Variants in PDE6B observed in about 807,000 individuals in gnomAD.
PDE6B encodes phosphodiesterase 6B, also known as rod cGMP-specific 3',5'-cyclic phosphodiesterase subunit beta.
PDE6B carries 106 observed loss-of-function variants against 109.0 expected under a neutral mutation model. That is an observed-to-expected ratio of 0.97 (90% CI 0.83 to 1.14). The LOEUF (loss-of-function observed/expected upper bound fraction) is 1.14, where lower values mean the gene tolerates loss of function less well. Ranked by LOEUF, PDE6B falls within the 50% of genes most tolerant of loss-of-function variation. The pLI is 0.00. For synonymous variants in PDE6B, 490 were observed against 471.3 expected (o/e 1.04, Z -0.51); for missense variants, 1,193 against 1,155.6 (o/e 1.03, Z -0.47).
intron 3 of PDE6B, among the ~76,000 whole-genome samples, chr4:642,321 A>C (rs1734983694): frequency 6.6e-6 from 1 of 151,980 alleles, no homozygotes; most frequent in Non-Finnish European, 1.5e-5. Context: ...CTAAAAATAC[A>C]AAAAATTAGC....
In PDE6B at chr4:626,939, G is replaced by A. The variant is rs1040417536; in HGVS notation, c.468+845G>A. Among the ~76,000 whole-genome samples the A allele has an allele frequency of 1.3e-5, 2 of 152,138 alleles. No homozygotes were observed. Among genetic ancestry groups the A allele is most frequent in the South Asian group, 4.1e-4 (2 of 4,834 alleles). On this transcript the variant is annotated intron_variant, in intron 1 of 21. Coordinates refer to ENST00000496514, the MANE Select transcript of PDE6B (RefSeq NM_000283.4). This position sits in a 1 kb window ranked among gnomAD's most constrained non-coding sequence, Gnocchi z 4.6. ...GGCTCTGAGGAAGAAGGGGAGGGGG[G>A]AAGCCCCTTCTCCCTGTCCTGCACC...
At chr4:664,850 A>T (rs2109269006) in intron 17 of PDE6B, 31 bp from the exon 18 acceptor site, 1 of 1,588,458 alleles carries the variant, frequency 6.3e-7, no homozygotes, top group South Asian at 1.1e-5. Flanking sequence ...GGAGACGCCC[A>T]TCAGCACTCG....
intron 12 of PDE6B, chr4:661,886 G>T (rs1272747734): frequency 7.4e-6 from 4 of 543,820 alleles, no homozygotes; most frequent in Admixed American, 3.0e-5. Context: ...GCCCCTGAAG[G>T]CTGGGGCTGT....
chr4:649,931 TC>T (rs1240894962), intron 3 of PDE6B, among the ~76,000 whole-genome samples: 2 of 152,180 alleles, frequency 1.3e-5, no homozygotes, highest in East Asian at 3.9e-4. Flanking sequence ...TGTCAGTGGA[TC>T]CCTCATTTCT....
At chr4:628,599 C>A (rs10031968) in intron 1 of PDE6B, among the ~76,000 whole-genome samples, 27,790 of 152,216 alleles carry the variant, frequency 0.18, 3,033 homozygotes, top group African/African-American at 0.3. Flanking sequence ...CCGGGTAACC[C>A]GCTCCTCCCT....
At chr4:658,476 G>A (rs1736640920) in intron 10 of PDE6B, among the ~76,000 whole-genome samples, 1 of 151,318 alleles carries the variant, frequency 6.6e-6, no homozygotes, top group South Asian at 2.1e-4. Flanking sequence ...GGTCACAGCT[G>A]TGTGGGGCAG....
In PDE6B at chr4:656,300, T is replaced by C; in HGVS notation, c.1107+8T>C. 1 of 1,507,846 alleles carries C rather than the reference T, an allele frequency of 6.6e-7. No individual in the cohort carries two copies. The highest frequency in any genetic ancestry group is 1.1e-5 in the South Asian group (1 of 88,892). The allele number at this position is 1,507,846 out of a possible 1,614,324, so 93.4% of individuals were successfully genotyped here. ...GAAATGTTCAAATTTCAGGTATCTG[T>C]CTGTGCCTTGGTAGAAATTATACTT... On this transcript the variant is annotated splice_region_variant and intron_variant, in intron 8 of 21. Coordinates refer to ENST00000496514, the MANE Select transcript of PDE6B (RefSeq NM_000283.4).
chr4:657,379 T>A lies in PDE6B; in HGVS notation c.1286T>A (p.Val429Glu), dbSNP rs1304399193. The A allele has an allele frequency of 2.5e-6, 4 of 1,613,008 alleles. No homozygotes were observed. The highest frequency in any genetic ancestry group is 2.7e-5 in the African/African-American group (2 of 74,928). Residue 429 changes from valine (V) to glutamate (E), a missense_variant, in exon 10 of 22, where the codon GTG (valine) becomes GAG (glutamate). Physicochemically the swap from Val to Glu is moderately radical, Grantham distance 121. Transcript: ENST00000496514. ...CTGACACAGTTCCTGGGCTGGTCAGTGATGAACACCGACACCTACGACAAG... is the reference window on the plus strand; with the variant it reads ...CTGACACAGTTCCTGGGCTGGTCAGAGATGAACACCGACACCTACGACAAG... ...ESLTQFLGWS[V>E]MNTDTYDKMN...
intron 3 of PDE6B, among the ~76,000 whole-genome samples, chr4:645,537 C>T (rs962454131): frequency 6.6e-6 from 1 of 151,736 alleles, no homozygotes; most frequent in Non-Finnish European, 1.5e-5. Context: ...CCTCGTGATC[C>T]GCCCGCCTCG....
At chr4:660,841 T>C (rs1247045564) in intron 12 of PDE6B, among the ~76,000 whole-genome samples, 1 of 151,638 alleles carries the variant, frequency 6.6e-6, no homozygotes, top group African/African-American at 2.4e-5. Flanking sequence ...GATGGCTGGA[T>C]TGATGGATGG....
intron 10 of PDE6B, among the ~76,000 whole-genome samples, chr4:658,570 C>A (rs949387993): frequency 6.6e-6 from 1 of 152,094 alleles, no homozygotes; most frequent in Non-Finnish European, 1.5e-5. Flanking sequence ...GGTGGGGACA[C>A]GGCCCTGGGG....
intron 2 of PDE6B, 83 bp downstream of exon 2, chr4:634,912 C>T: frequency 8.2e-7 from 1 of 1,218,292 alleles, no homozygotes; most frequent in Non-Finnish European, 1.2e-6. Context: ...TGCGCATCCA[C>T]CTCTTTACCT....
At chr4:654,516 G>A (rs539628232) in intron 5 of PDE6B, 63 of 590,030 alleles carry the variant, frequency 1.1e-4, no homozygotes, top group African/African-American at 6.3e-4. Context: ...GGGATTGTGC[G>A]GAACACAGAC....
chr4:662,412 C>T lies in PDE6B; in HGVS notation c.1723-97C>T. 2.2e-6 allele frequency: 2 copies of T among 922,412 alleles called. No homozygotes were observed. The highest frequency in any genetic ancestry group is 1.3e-5 in the South Asian group (1 of 74,434). 57.1% of individuals were successfully genotyped at this position (922,412 alleles called of 1,614,324 possible). A position where few individuals can be genotyped will look rare whatever the true frequency, so the allele number is the denominator to read the frequency against. ...CCCCAGCCCTGCGGTGGTCGGAGGT[C>T]CAACCTCCAACCCGACGCCTAGGTC... is the stretch of plus-strand genomic sequence containing the variant. On this transcript the variant is annotated intron_variant, in intron 13 of 21. Transcript: ENST00000496514. This position sits in a 1 kb window ranked among gnomAD's most constrained non-coding sequence, Gnocchi z 4.3.
intron 3 of PDE6B, among the ~76,000 whole-genome samples, chr4:642,617 A>C: frequency 6.6e-6 from 1 of 151,908 alleles, no homozygotes; most frequent in East Asian, 1.9e-4. Context: ...AACATGGCGA[A>C]ACACCATCTC....
intron 6 of PDE6B, 76 bp from the exon 7 acceptor site, chr4:655,864 C>A: frequency 8.1e-6 from 7 of 865,792 alleles, no homozygotes; most frequent in Non-Finnish European, 1.4e-5. Flanking sequence ...TGCACACAGA[C>A]ATCCAGTCCC....
chr4:669,938 T>C, intron 21 of PDE6B, 108 bp from the exon 22 acceptor site: 1 of 903,584 alleles, frequency 1.1e-6, no homozygotes. Context: ...ACCCAGGTGC[T>C]GTCCTTCCTC....
intron 18 of PDE6B, 22 bp downstream of exon 18, chr4:664,966 G>C (rs767399658): frequency 6.3e-7 from 1 of 1,587,998 alleles, no homozygotes; most frequent in Non-Finnish European, 8.6e-7. Flanking sequence ...GGGCCCTCCA[G>C]ACCCAGAGTC....
intron 5 of PDE6B, 179 bp downstream of exon 5, chr4:654,333 T>TG: frequency 1.4e-6 from 1 of 709,302 alleles, no homozygotes; most frequent in Non-Finnish European, 2.5e-6. Context: ...ACTCCAGGGA[T>TG]GGGGTGTCCA....
Sources: gnomAD v4.1 joint callset for allele counts (sites outside exome capture counted in the v4.1 genomes callset) on GRCh38, gnomAD v4.1.1 for gene constraint, Gnocchi (gnomAD v3.1) non-coding constraint, MANE v1.5 for transcripts, NCBI Gene and HGNC (gene_info 2026-07-23, HGNC 2026-07-21) for gene names.